The following KALRN variants were observed in gnomAD, a reference collection of about 807,000 sequenced individuals.
The protein encoded by KALRN is kalirin.
Under a neutral mutation model 353.7 loss-of-function variants are expected in KALRN, and 70 were observed. The ratio of observed to expected loss-of-function variants is 0.20; its 90% confidence interval spans 0.16 to 0.24. The LOEUF is 0.24. Among genes scored for constraint, KALRN ranks in the 10% least tolerant of loss-of-function variants. The pLI, the probability that KALRN is intolerant of heterozygous loss-of-function variation, is 1.00. For synonymous variants in KALRN, 1,391 were observed against 1,434.8 expected (o/e 0.97, Z 0.69); for missense variants, 2,791 against 3,756.7 (o/e 0.74, Z 6.72).
intron 34 of KALRN, among the ~76,000 whole-genome samples, chr3:124,565,302 C>T (rs192545921): frequency 8.5e-5 from 13 of 152,260 alleles, no homozygotes; most frequent in African/African-American, 3.1e-4. Context: ...GGGACTGTGT[C>T]AGGAAGTTGT....
intron 33 of KALRN, among the ~76,000 whole-genome samples, chr3:124,510,273 G>A (rs10511424): frequency 0.14 from 20,568 of 152,124 alleles, 1,524 homozygotes; most frequent in East Asian, 0.28. Flanking sequence ...GGCAAGATTC[G>A]TGTTGGGAGC....
chr3:124,637,336 T>G (rs1301612784), intron 37 of KALRN, 33 bp downstream of exon 37: 1 of 1,455,464 alleles, frequency 6.9e-7, no homozygotes, highest in South Asian at 1.1e-5. Context: ...GTTCTGTGTG[T>G]GTCTCACCTT....
chr3:124,168,110 G>A (rs956120949), intron 1 of KALRN, among the ~76,000 whole-genome samples: 1 of 152,146 alleles, frequency 6.6e-6, no homozygotes, highest in African/African-American at 2.4e-5. Context: ...ACTGAGGTTG[G>A]TGGAGAGGTA....
intron 34 of KALRN, among the ~76,000 whole-genome samples, chr3:124,584,150 G>T (rs1233006312): frequency 1.3e-5 from 2 of 152,170 alleles, no homozygotes; most frequent in East Asian, 1.9e-4. Context: ...GAGCTTTGAA[G>T]GTTGGTTGTA....
At chr3:124,401,096 A>G (rs780761066) in intron 13 of KALRN, among the ~76,000 whole-genome samples, 6 of 152,148 alleles carry the variant, frequency 3.9e-5, no homozygotes, top group Non-Finnish European at 7.4e-5. Context: ...ATCAAGTTCC[A>G]CTCCTAAAAA....
chr3:124,595,045 A>T (rs2076150494), intron 34 of KALRN, among the ~76,000 whole-genome samples: 1 of 151,986 alleles, frequency 6.6e-6, no homozygotes, highest in Non-Finnish European at 1.5e-5. Flanking sequence ...AACTAGGAAG[A>T]GAACCTTGAT....
At chr3:124,448,962 TTC>T (rs2058510120) in intron 21 of KALRN, among the ~76,000 whole-genome samples, 2 of 152,222 alleles carry the variant, frequency 1.3e-5, no homozygotes, top group African/African-American at 2.4e-5. Flanking sequence ...GCTGTCTATG[TTC>T]TCTGTCCCTC....
intron 1 of KALRN, among the ~76,000 whole-genome samples, chr3:124,147,150 G>A (rs1001065700): frequency 2.6e-5 from 4 of 152,170 alleles, no homozygotes; most frequent in Non-Finnish European, 4.4e-5. Flanking sequence ...TGAGTGGTGG[G>A]CCTACATTTT....
chr3:124,196,524 G>A (rs915016196), intron 1 of KALRN, among the ~76,000 whole-genome samples: 1 of 151,514 alleles, frequency 6.6e-6, no homozygotes, highest in African/African-American at 2.4e-5. Context: ...AGCTTTTTTT[G>A]GCTGCATTGA....
chr3:124,249,245 T>C (rs2070778305), intron 3 of KALRN, among the ~76,000 whole-genome samples: 1 of 152,234 alleles, frequency 6.6e-6, no homozygotes, highest in South Asian at 2.1e-4. Context: ...GACCCAGTTC[T>C]TGCCTTCAGG....
At chr3:124,281,776 G>A (rs1291807782) in intron 5 of KALRN, among the ~76,000 whole-genome samples, 1 of 152,152 alleles carries the variant, frequency 6.6e-6, no homozygotes, top group Non-Finnish European at 1.5e-5. Flanking sequence ...ATTTCTGGAG[G>A]TTAGGACCAG....
chr3:124,532,172 C>G (rs754976744), intron 33 of KALRN, among the ~76,000 whole-genome samples: 3 of 152,200 alleles, frequency 2.0e-5, no homozygotes, highest in Non-Finnish European at 2.9e-5. Flanking sequence ...TCCCCAATAG[C>G]AGAGTCACTG....
intron 51 of KALRN, among the ~76,000 whole-genome samples, chr3:124,690,083 T>C (rs1292476573): frequency 1.3e-5 from 2 of 152,288 alleles, no homozygotes. Flanking sequence ...ACTTAAGCTT[T>C]TCATTGATTT....
At chr3:124,375,369 C>G (rs1477475732) in intron 10 of KALRN, among the ~76,000 whole-genome samples, 2 of 152,198 alleles carry the variant, frequency 1.3e-5, no homozygotes, top group African/African-American at 4.8e-5. Flanking sequence ...CTGGGCCAAC[C>G]TCTGGCCTCT....
At chr3:124,237,940 G>A (rs377577232) in intron 3 of KALRN, among the ~76,000 whole-genome samples, 1 of 152,128 alleles carries the variant, frequency 6.6e-6, no homozygotes, top group South Asian at 2.1e-4. Context: ...TAGAATTTAA[G>A]GAACCAGCAA....
intron 6 of KALRN, among the ~76,000 whole-genome samples, chr3:124,307,100 C>T (rs1038488673): frequency 1.3e-5 from 2 of 152,080 alleles, no homozygotes; most frequent in African/African-American, 2.4e-5. Context: ...CTATAAAAGA[C>T]AGTATAAACA....
At chr3:124,320,119 G>A (rs143493201) in intron 6 of KALRN, among the ~76,000 whole-genome samples, 9 of 152,250 alleles carry the variant, frequency 5.9e-5, no homozygotes, top group African/African-American at 2.2e-4. Flanking sequence ...TTTTCATTGA[G>A]CATTTGATTT....
chr3:124,315,708 C>T lies in KALRN; in HGVS notation c.1093-10272C>T, dbSNP rs138492193. ...TCATCTATGGCCACTACTTGTTCTC[C>T]GTCAGGTCTGCATTTGCTAAGCAGT... On this transcript the variant is annotated intron_variant, in intron 6 of 59. Transcript: ENST00000682506. Among the ~76,000 whole-genome samples, 133 of 152,058 alleles carry T rather than the reference C, an allele frequency of 8.7e-4. No homozygotes were observed. In the East Asian group the frequency reaches 0.012, roughly 13 times the overall value.
chr3:124,435,857 G>A (rs1346533586), intron 17 of KALRN, among the ~76,000 whole-genome samples: 1 of 152,096 alleles, frequency 6.6e-6, no homozygotes, highest in Non-Finnish European at 1.5e-5. Context: ...AGATCTATAT[G>A]GAAATAAAAT....
Sources: allele counts gnomAD v4.1 joint callset (sites outside exome capture counted in the v4.1 genomes callset), GRCh38; gene constraint gnomAD v4.1.1; transcripts MANE v1.5; gene names NCBI Gene and HGNC (gene_info 2026-07-23, HGNC 2026-07-21).